CASK: variants seen among roughly 807,000 people sequenced by gnomAD.
The protein encoded by CASK is peripheral plasma membrane protein CASK.
In CASK, 4 loss-of-function variants were observed where a neutral mutation model predicts 82.9. The ratio of observed to expected loss-of-function variants is 0.05; its 90% CI spans 0.02 to 0.11. CASK has a LOEUF of 0.11. Among genes scored for constraint, CASK ranks in the 10% least tolerant of loss-of-function variants. CASK has a pLI of 1.00. For missense variants in CASK, 358 were observed against 720.9 expected, an observed-to-expected ratio of 0.50 and a Z score of 5.76; for synonymous variants, 259 against 253.5, an observed-to-expected ratio of 1.02 and a Z score of -0.20.
intron 3 of CASK, among the ~76,000 whole-genome samples, chrX:41,760,286 A>G (rs2068978351): frequency 8.9e-6 from 1 of 111,978 alleles, no homozygotes; most frequent in South Asian, 3.7e-4. Flanking sequence ...AGGGACCTCC[A>G]GATATAAATC....
At position 41,587,188 on chromosome X, in the gene CASK, A is replaced by C; in HGVS notation, c.1234-201T>G. 3 of 365,071 alleles carry C rather than the reference A, an allele frequency of 8.2e-6. No homozygotes were observed. The South Asian group carries it at 1.4e-4, about 18-fold the overall frequency. 30.1% of individuals were successfully genotyped at this position (365,071 alleles called of 1,213,427 possible). A position where few individuals can be genotyped will look rare whatever the true frequency, so the allele number is the denominator to read the frequency against. On this transcript the variant is annotated intron_variant, in intron 13 of 26. Coordinates refer to ENST00000378163, the MANE Select transcript of CASK (RefSeq NM_001367721.1). ...AATAAAAATGAAGCAAATTGTTCTAAAAGTCTGTCAACTATAACCTAAAAG... is the reference window on the plus strand; with the variant it reads ...AATAAAAATGAAGCAAATTGTTCTACAAGTCTGTCAACTATAACCTAAAAG...
intron 12 of CASK, among the ~76,000 whole-genome samples, chrX:41,601,203 T>C (rs1460287483): frequency 9.0e-6 from 1 of 111,336 alleles, no homozygotes; most frequent in African/African-American, 3.3e-5. Context: ...ACAATGTGAA[T>C]ATACTTAATG....
In CASK at chrX:41,691,076, C is replaced by G. The variant is rs151107003; in HGVS notation, c.430-19546G>C. Among the ~76,000 whole-genome samples the G allele has an allele frequency of 2.8e-3, 311 of 112,503 alleles. 1 individual carries two copies. Among genetic ancestry groups the G allele is most frequent in the African/African-American group, 9.5e-3 (296 of 31,048 alleles). ...AAATGCACTGGCTTTGCTTTATGCT[C>G]TTTAAACTGAAGACTAAAGCAAAAC... On this transcript the variant is annotated intron_variant, in intron 5 of 26. Transcript: ENST00000378163.
intron 25 of CASK, chrX:41,524,298 T>A (rs955366010): frequency 2.0e-5 from 7 of 347,047 alleles, no homozygotes; most frequent in Non-Finnish European, 3.5e-5. Flanking sequence ...TTTTTCTTCA[T>A]AAAAGTTAAC....
chrX:41,564,087 T>C (rs1251163802), intron 16 of CASK, among the ~76,000 whole-genome samples: 1 of 111,829 alleles, frequency 8.9e-6, no homozygotes, highest in Non-Finnish European at 1.9e-5. Flanking sequence ...AAAGATAATA[T>C]GTAATGACTA....
intron 5 of CASK, among the ~76,000 whole-genome samples, chrX:41,676,825 G>T (rs1426200158): frequency 1.8e-5 from 2 of 112,615 alleles, no homozygotes; most frequent in South Asian, 3.6e-4. Flanking sequence ...GAGATGATGA[G>T]AAGTAGTCAA....
intron 3 of CASK, among the ~76,000 whole-genome samples, chrX:41,783,286 C>T (rs919659838): frequency 2.7e-5 from 3 of 111,010 alleles, no homozygotes; most frequent in Non-Finnish European, 5.7e-5. Context: ...ATATCTTGGC[C>T]GGGCACAGTG....
chrX:41,887,947 C>T (rs67286894), intron 1 of CASK, among the ~76,000 whole-genome samples: 14,380 of 111,351 alleles, frequency 0.13, 892 homozygotes, highest in Non-Finnish European at 0.19. Flanking sequence ...TTGAACTTCA[C>T]AGAAAACACC....
In CASK at chrX:41,674,596, AT is replaced by A. The variant is rs760083498; in HGVS notation, c.430-3067del. On this transcript the variant is annotated intron_variant, in intron 5 of 26. Coordinates refer to ENST00000378163, the MANE Select transcript of CASK (RefSeq NM_001367721.1). The stretch of plus-strand genomic sequence containing the variant: ...CCCTCTCCCAAAAAAATTGGAACTC[AT>A]TTTTTTCAGGGTGGGGAGGAAGAGA... 2.7e-5 allele frequency among the ~76,000 whole-genome samples: 3 copies of A among 110,852 alleles called. No individual in the cohort carries two copies. The South Asian group carries it at 1.2e-3, about 43-fold the overall frequency.
chrX:41,542,834 T>G lies in CASK; in HGVS notation c.2040-28A>C, dbSNP rs977621772. 4 of 895,411 alleles carry G rather than the reference T, an allele frequency of 4.5e-6. No individual in the cohort carries two copies. The African/African-American group carries it at 7.9e-5, about 18-fold the overall frequency. The allele number at this position is 895,411 out of a possible 1,213,427, so 73.8% of individuals were successfully genotyped here. On this transcript the variant is annotated intron_variant, in intron 21 of 26. Transcript: ENST00000378163. ...AGCACATACAAAAAGAAAAATAAAA[T>G]AAAATGAATTTATAATTCTGGTTGA...
intron 6 of CASK, among the ~76,000 whole-genome samples, chrX:41,666,551 G>A (rs190823880): frequency 8.9e-6 from 1 of 112,030 alleles, no homozygotes; most frequent in East Asian, 2.8e-4. Context: ...AGATCTTCTG[G>A]TTCAGCTAGA....
chrX:41,770,253 CTATCATCTATCT>C (rs1388877121), intron 3 of CASK, among the ~76,000 whole-genome samples: 5 of 104,704 alleles, frequency 4.8e-5, no homozygotes, highest in African/African-American at 1.8e-4. Context: ...ATCTATCTAT[CTATCATCTATCT>C]ATCTATCTAT....
intron 5 of CASK, among the ~76,000 whole-genome samples, chrX:41,722,270 G>A (rs2068180328): frequency 8.9e-6 from 1 of 112,093 alleles, no homozygotes; most frequent in Non-Finnish European, 1.9e-5. Context: ...ATGGCTCCCA[G>A]TGATCATCAC....
intron 9 of CASK, among the ~76,000 whole-genome samples, chrX:41,629,144 GT>G (rs200157537): frequency 3.7e-5 from 4 of 106,854 alleles, no homozygotes; most frequent in South Asian, 3.9e-4. Flanking sequence ...TACGTAGTTT[GT>G]TTTTTTTTTA....
At chrX:41,726,759 A>G (rs758390757) in intron 5 of CASK, 3 of 222,470 alleles carry the variant, frequency 1.3e-5, no homozygotes, top group Non-Finnish European at 1.6e-5. Context: ...TTCACATCAA[A>G]TTTTGTTTTT....
chrX:41,837,723 C>T (rs1364333102), intron 2 of CASK, among the ~76,000 whole-genome samples: 9 of 111,990 alleles, frequency 8.0e-5, no homozygotes, highest in Non-Finnish European at 1.7e-4. Flanking sequence ...TATCACAATT[C>T]GTTTAACCAT....
chrX:41,696,713 A>G, intron 5 of CASK: 2 of 1,208,408 alleles, frequency 1.7e-6, no homozygotes, highest in Non-Finnish European at 2.2e-6. Flanking sequence ...CAGAATTTAA[A>G]CCAGGATACT....
At chrX:41,670,720 G>A (rs979818341) in intron 6 of CASK, among the ~76,000 whole-genome samples, 4 of 110,008 alleles carry the variant, frequency 3.6e-5, no homozygotes, top group Middle Eastern at 4.2e-3. Flanking sequence ...GCCACTGTGC[G>A]CTCCAGCCTG....
chrX:41,886,902 T>C (rs974873389), intron 1 of CASK, among the ~76,000 whole-genome samples: 2 of 111,300 alleles, frequency 1.8e-5, no homozygotes, highest in South Asian at 7.5e-4. Flanking sequence ...TCAGGAGACA[T>C]ATGTTAGAAG....
Sources: allele counts gnomAD v4.1 joint callset (sites outside exome capture counted in the v4.1 genomes callset), GRCh38; gene constraint gnomAD v4.1.1; transcripts MANE v1.5; gene names NCBI Gene and HGNC (gene_info 2026-07-23, HGNC 2026-07-21).